Variants in IGF1R observed in about 807,000 individuals in gnomAD.
The protein encoded by IGF1R is insulin like growth factor 1 receptor.
IGF1R carries 44 observed loss-of-function variants against 144.6 expected under a neutral mutation model. That is an observed-to-expected ratio of 0.30 (90% confidence interval 0.24 to 0.39). The LOEUF (loss-of-function observed/expected upper bound fraction) is 0.39. Among genes scored for constraint, IGF1R ranks in the 10% least tolerant of loss-of-function variants. IGF1R has a pLI of 1.00. For missense variants in IGF1R, 1,355 were observed against 1,833.7 expected, an observed-to-expected ratio of 0.74 and a Z score of 4.77; for synonymous variants, 795 against 722.8, an observed-to-expected ratio of 1.10 and a Z score of -1.60.
intron 2 of IGF1R, among the ~76,000 whole-genome samples, chr15:98,779,922 C>A (rs1362775509): frequency 3.3e-5 from 5 of 152,158 alleles, no homozygotes; most frequent in African/African-American, 1.2e-4. Flanking sequence ...GCCTGGGGAC[C>A]TGGAGTTAGT....
At chr15:98,932,293 C>T (rs2015974396) in intron 15 of IGF1R, among the ~76,000 whole-genome samples, 1 of 152,164 alleles carries the variant, frequency 6.6e-6, no homozygotes, top group Admixed American at 6.5e-5. Context: ...TAGCCAGTTT[C>T]CTCGAGGGGC....
In IGF1R at chr15:98,648,655, C is replaced by T. The variant is rs911121757; in HGVS notation, c.-927C>T. Among the ~76,000 whole-genome samples, 70 of 147,234 alleles carry T rather than the reference C, an allele frequency of 4.8e-4. No homozygotes were observed. The highest frequency in any genetic ancestry group is 6.8e-4 in the Non-Finnish European group (45 of 66,214). On this transcript the variant is annotated 5_prime_UTR_variant, in exon 1 of 21. Coordinates refer to ENST00000650285, the MANE Select transcript of IGF1R (RefSeq NM_000875.5). ...CCCGAGGAGGAGCGAGCGCACCAGG[C>T]GAACTCGAGAGAGGCGGGAGAGCGA...
At chr15:98,887,186 C>G (rs1596397773) in intron 2 of IGF1R, among the ~76,000 whole-genome samples, 1 of 152,270 alleles carries the variant, frequency 6.6e-6, no homozygotes, top group East Asian at 1.9e-4. Flanking sequence ...CCTGACTTCC[C>G]CAGCCTGTGT....
At chr15:98,734,680 GT>G (rs1436603366) in intron 2 of IGF1R, 1 of 152,194 alleles carries the variant, frequency 6.6e-6, no homozygotes, top group Non-Finnish European at 1.5e-5. Context: ...TGCCCTTTGT[GT>G]TTTAATGTTG....
chr15:98,803,492 A>G (rs1253092480), intron 2 of IGF1R, among the ~76,000 whole-genome samples: 1 of 20,618 alleles, frequency 4.9e-5, no homozygotes, highest in Non-Finnish European at 2.3e-4. Context: ...CTTAGTGAAT[A>G]TTACATTTTA....
At chr15:98,745,147 GTCATGCTTC>G (rs1278939536) in intron 2 of IGF1R, among the ~76,000 whole-genome samples, 1 of 152,218 alleles carries the variant, frequency 6.6e-6, no homozygotes, top group Non-Finnish European at 1.5e-5. Context: ...GGAGAAGGAA[GTCATGCTTC>G]TCAAGTAAAG....
At chr15:98,939,126 G>T in intron 17 of IGF1R, 75 bp from the exon 18 acceptor site, 1 of 1,290,306 alleles carries the variant, frequency 7.8e-7, no homozygotes, top group Non-Finnish European at 1.1e-6. Context: ...AAGATGATAT[G>T]CAAACCTCGA....
chr15:98,907,468 A>G (rs2014789045), intron 5 of IGF1R, among the ~76,000 whole-genome samples: 1 of 152,194 alleles, frequency 6.6e-6, no homozygotes. Flanking sequence ...TATACATTAG[A>G]TCTGTGAGTG....
chr15:98,875,340 TTTTC>T (rs2013004443), intron 2 of IGF1R, among the ~76,000 whole-genome samples: 1 of 137,788 alleles, frequency 7.3e-6, no homozygotes, highest in African/African-American at 2.6e-5. Context: ...CTTTCTTTTC[TTTTC>T]TTTTCTTTTT....
In IGF1R at chr15:98,755,744, AAAAAAAAAAG is replaced by A. The variant is rs1188605863; in HGVS notation, c.640+47638_640+47647del. Reference sequence around the variant, plus strand: ...AAAAAAAAAAAAAAAAAAAAAAAAAAAAAAAAAAAGGCATTACTGCCTTGTTCCTGATTTA... The same window carrying A: ...AAAAAAAAAAAAAAAAAAAAAAAAAAGCATTACTGCCTTGTTCCTGATTTA... On this transcript the variant is annotated intron_variant, in intron 2 of 20. Coordinates refer to ENST00000650285, the MANE Select transcript of IGF1R (RefSeq NM_000875.5). Among the ~76,000 whole-genome samples, 1,123 of 125,644 alleles carry A rather than the reference AAAAAAAAAAG, an allele frequency of 8.9e-3. 29 individuals carry two copies. Among genetic ancestry groups the A allele is most frequent in the African/African-American group, 0.04 (1,057 of 26,458 alleles). The allele number at this position is 125,644 out of a possible 152,430, so 82.4% of individuals were successfully genotyped here. A position where few individuals can be genotyped will look rare whatever the true frequency, so the allele number is the denominator to read the frequency against.
chr15:98,850,017 A>G (rs2011475410), intron 2 of IGF1R, among the ~76,000 whole-genome samples: 1 of 152,234 alleles, frequency 6.6e-6, no homozygotes, highest in Admixed American at 6.5e-5. Flanking sequence ...TCTTTGACCC[A>G]CCAATCTTAG....
At chr15:98,901,184 G>T (rs2014464293) in intron 5 of IGF1R, among the ~76,000 whole-genome samples, 1 of 152,184 alleles carries the variant, frequency 6.6e-6, no homozygotes, top group Non-Finnish European at 1.5e-5. Flanking sequence ...AGGTGTTTGG[G>T]AGGCTTTCCA....
chr15:98,753,036 A>G (rs962732783), intron 2 of IGF1R, among the ~76,000 whole-genome samples: 8 of 149,418 alleles, frequency 5.4e-5, no homozygotes, highest in African/African-American at 1.2e-4. Context: ...CCAGGGTTCA[A>G]GCGATTCTCC....
intron 1 of IGF1R, among the ~76,000 whole-genome samples, chr15:98,693,479 C>G (rs2053526823): frequency 6.6e-6 from 1 of 152,218 alleles, no homozygotes; most frequent in African/African-American, 2.4e-5. Context: ...GCAGAGGACG[C>G]TGTAGACTTG....
At chr15:98,699,872 CAG>C (rs1350336305) in intron 1 of IGF1R, among the ~76,000 whole-genome samples, 1 of 152,166 alleles carries the variant, frequency 6.6e-6, no homozygotes, top group Non-Finnish European at 1.5e-5. Flanking sequence ...TTTCTGTTCT[CAG>C]AGTTTCCTCT....
chr15:98,824,761 C>G (rs1009802976), intron 2 of IGF1R, among the ~76,000 whole-genome samples: 2 of 152,220 alleles, frequency 1.3e-5, no homozygotes, highest in African/African-American at 4.8e-5. Flanking sequence ...CACTCTGTTG[C>G]AGTTGTAGTC....
intron 1 of IGF1R, among the ~76,000 whole-genome samples, chr15:98,702,837 T>C (rs961493360): frequency 2.0e-5 from 3 of 152,134 alleles, no homozygotes; most frequent in African/African-American, 4.8e-5. Context: ...GCTTGGGAGC[T>C]GAGGTGGAAG....
rs759093066 is a variant in IGF1R, at chr15:98,924,016, G to A, written c.2622+4G>A. ...AAAATACGGATCACAAGTTGAGGTA[G>A]GACTGGGGCAGTGGCCCGTGCCTGC... On this transcript the variant is annotated splice_donor_region_variant and intron_variant, in intron 12 of 20. Transcript: ENST00000650285. The A allele has an allele frequency of 1.2e-5, 19 of 1,613,818 alleles. No individual in the cohort carries two copies. In the East Asian group the frequency reaches 3.8e-4, roughly 32 times the overall value.
chr15:98,871,970 C>T (rs1340415211), intron 2 of IGF1R, among the ~76,000 whole-genome samples: 1 of 152,150 alleles, frequency 6.6e-6, no homozygotes, highest in Non-Finnish European at 1.5e-5. Context: ...ACTTTTTTCC[C>T]TGTCTAAAAG....
Sources: gnomAD v4.1 joint callset for allele counts (sites outside exome capture counted in the v4.1 genomes callset) on GRCh38, gnomAD v4.1.1 for gene constraint, MANE v1.5 for transcripts, NCBI Gene and HGNC (gene_info 2026-07-23, HGNC 2026-07-21) for gene names.